ADAMTS3: variants seen among roughly 807,000 people sequenced by gnomAD.
ADAMTS3 encodes the protein ADAM metallopeptidase with thrombospondin type 1 motif 3, also known as A disintegrin and metalloproteinase with thrombospondin motifs 3.
Under a neutral mutation model 129.0 loss-of-function variants are expected in ADAMTS3, and 73 were observed. The observed-to-expected ratio is 0.57, with a 90% CI of 0.47 to 0.69. The LOEUF is 0.69. ADAMTS3 is among the 30% of genes least tolerant of loss of function. The pLI is 0.00. For synonymous variants in ADAMTS3, 477 were observed against 510.8 expected (o/e 0.93, Z 0.89); for missense variants, 1,457 against 1,514.5 (o/e 0.96, Z 0.63).
At chr4:72,314,028 T>A (rs1393124308) in intron 11 of ADAMTS3, among the ~76,000 whole-genome samples, 1 of 152,078 alleles carries the variant, frequency 6.6e-6, no homozygotes, top group African/African-American at 2.4e-5. Context: ...AGTAGAAAAT[T>A]AAAATGGAAA....
Position 72,400,792 on chromosome 4 carries a change from T to C in ADAMTS3, c.661+14023A>G, listed in dbSNP as rs114217624. Among the ~76,000 whole-genome samples the C allele has an allele frequency of 1.0e-3, 139 of 133,080 alleles. 1 individual carries two copies. The East Asian group carries it at 0.012, about 11-fold the overall frequency. 87.3% of individuals were successfully genotyped at this position (133,080 alleles called of 152,430 possible). Reference sequence around the variant, plus strand: ...ATATACGTGTGCATAGATATACACATGGTGGGTATATGTATGTGTGTATAG... The same window carrying C: ...ATATACGTGTGCATAGATATACACACGGTGGGTATATGTATGTGTGTATAG... On this transcript the variant is annotated intron_variant, in intron 4 of 21. Coordinates refer to ENST00000286657, the MANE Select transcript of ADAMTS3 (RefSeq NM_014243.3).
chr4:72,347,317 T>C (rs1720314660), intron 4 of ADAMTS3, among the ~76,000 whole-genome samples: 1 of 151,452 alleles, frequency 6.6e-6, no homozygotes. Flanking sequence ...GACAGTTTGA[T>C]GTAAGTTCCC....
chr4:72,512,419 G>C (rs1720341128), intron 3 of ADAMTS3, among the ~76,000 whole-genome samples: 1 of 152,172 alleles, frequency 6.6e-6, no homozygotes, highest in Non-Finnish European at 1.5e-5. Context: ...TTGAACCCAG[G>C]AGGCAGAGGT....
intron 3 of ADAMTS3, among the ~76,000 whole-genome samples, chr4:72,493,245 T>C (rs188464625): frequency 3.1e-4 from 47 of 152,130 alleles, no homozygotes; most frequent in African/African-American, 1.1e-3. Context: ...GGTGAGGACA[T>C]ACTGTTACCA....
intron 3 of ADAMTS3, among the ~76,000 whole-genome samples, chr4:72,427,244 C>T (rs1350081024): frequency 1.3e-5 from 2 of 152,076 alleles, no homozygotes; most frequent in African/African-American, 4.8e-5. Flanking sequence ...TTAATCATTC[C>T]CAGGCTACAC....
intron 3 of ADAMTS3, among the ~76,000 whole-genome samples, chr4:72,465,066 A>G (rs1718883256): frequency 6.6e-6 from 1 of 152,016 alleles, no homozygotes. Flanking sequence ...GAGAGAGAAT[A>G]TTAATAAGTA....
intron 3 of ADAMTS3, among the ~76,000 whole-genome samples, chr4:72,511,122 C>A (rs747277447): frequency 7.9e-5 from 12 of 151,958 alleles, no homozygotes; most frequent in Non-Finnish European, 1.8e-4. Flanking sequence ...ATGCAAAAAT[C>A]AAATCAAAAT....
intron 4 of ADAMTS3, among the ~76,000 whole-genome samples, chr4:72,402,431 TAG>T (rs1431774544): frequency 1.3e-5 from 2 of 152,190 alleles, no homozygotes; most frequent in Non-Finnish European, 2.9e-5. Flanking sequence ...AAGAATACCA[TAG>T]GTGTTCATCT....
At position 72,538,990 on chromosome 4, in the gene ADAMTS3, C is replaced by T. The variant is rs576173335; in HGVS notation, c.504+9488G>A. 3.9e-5 allele frequency among the ~76,000 whole-genome samples: 6 copies of T among 152,126 alleles called. No homozygotes were observed. In the South Asian group the frequency reaches 1.2e-3, roughly 32 times the overall value. ...CCAAAGCATAAAGCTGGATCCTTACCTAACACCATATACAAAAATTAATAC... is the reference window on the plus strand; with the variant it reads ...CCAAAGCATAAAGCTGGATCCTTACTTAACACCATATACAAAAATTAATAC... On this transcript the variant is annotated intron_variant, in intron 3 of 21. Transcript: ENST00000286657.
At chr4:72,432,042 ACCAGATGTT>A (rs1722713019) in intron 3 of ADAMTS3, among the ~76,000 whole-genome samples, 1 of 151,940 alleles carries the variant, frequency 6.6e-6, no homozygotes, top group South Asian at 2.1e-4. Flanking sequence ...ACTATAATCC[ACCAGATGTT>A]CCAGTCAGAA....
intron 15 of ADAMTS3, among the ~76,000 whole-genome samples, 198 bp from the exon 16 acceptor site, chr4:72,306,265 T>G (rs1041033562): frequency 1.3e-5 from 2 of 152,052 alleles, no homozygotes; most frequent in East Asian, 3.8e-4. Context: ...GCAACTTTTT[T>G]TTTTATTAAA....
rs574290872 is a variant in ADAMTS3, at chr4:72,298,270, T to C, written c.2590+7A>G. On this transcript the variant is annotated splice_region_variant and intron_variant, in intron 18 of 21. Coordinates refer to ENST00000286657, the MANE Select transcript of ADAMTS3 (RefSeq NM_014243.3). ...ATTTTAATATAATAAATGTGTTCAATGGTTACCTCCACCACAGGGTTTGGA... is the reference window on the plus strand; with the variant it reads ...ATTTTAATATAATAAATGTGTTCAACGGTTACCTCCACCACAGGGTTTGGA... 8.1e-6 allele frequency: 13 copies of C among 1,610,668 alleles called. No homozygotes were observed. The highest frequency in any genetic ancestry group is 4.0e-5 in the African/African-American group (3 of 74,872).
intron 3 of ADAMTS3, among the ~76,000 whole-genome samples, chr4:72,449,806 C>T (rs1306542269): frequency 1.3e-5 from 2 of 151,818 alleles, no homozygotes; most frequent in African/African-American, 4.8e-5. Flanking sequence ...CTTTCTTACT[C>T]GTCCTCTCTG....
At chr4:72,426,656 G>T (rs1722581429) in intron 3 of ADAMTS3, among the ~76,000 whole-genome samples, 1 of 152,094 alleles carries the variant, frequency 6.6e-6, no homozygotes, top group East Asian at 1.9e-4. Flanking sequence ...AGAGACCAAG[G>T]ATGGTGGATC....
intron 3 of ADAMTS3, among the ~76,000 whole-genome samples, chr4:72,515,909 T>G (rs1380967792): frequency 6.6e-6 from 1 of 152,204 alleles, no homozygotes; most frequent in South Asian, 2.1e-4. Flanking sequence ...GAAGTCCTTG[T>G]GCATGCCTAT....
chr4:72,398,091 C>A (rs1379548609), intron 4 of ADAMTS3, among the ~76,000 whole-genome samples: 1 of 152,018 alleles, frequency 6.6e-6, no homozygotes, highest in Non-Finnish European at 1.5e-5. Flanking sequence ...ATGAAGAGGA[C>A]CAGGAAAATA....
chr4:72,345,704 T>A (rs1720261884), intron 4 of ADAMTS3, among the ~76,000 whole-genome samples: 1 of 152,178 alleles, frequency 6.6e-6, no homozygotes, highest in South Asian at 2.1e-4. Context: ...AAGTTCTAAT[T>A]CTAACATCCG....
rs570178028 is a variant in ADAMTS3, at chr4:72,493,780, CTCTCTCAGTT to C, written c.504+54688_504+54697del. Reference sequence around the variant, plus strand: ...GTAAAGTAAGTCTAGTGGTGACAAACTCTCTCAGTTTTTGTTTATCTAGGAAAGTCACTAT... The same window carrying C: ...GTAAAGTAAGTCTAGTGGTGACAAACTTTGTTTATCTAGGAAAGTCACTAT... On this transcript the variant is annotated intron_variant, in intron 3 of 21. Transcript: ENST00000286657. Among the ~76,000 whole-genome samples, 56 of 152,122 alleles carry C rather than the reference CTCTCTCAGTT, an allele frequency of 3.7e-4. 2 individuals carry two copies. In the South Asian group the frequency reaches 0.011, roughly 31 times the overall value.
chr4:72,429,294 A>T (rs1316545254), intron 3 of ADAMTS3, among the ~76,000 whole-genome samples: 1 of 152,092 alleles, frequency 6.6e-6, no homozygotes, highest in Non-Finnish European at 1.5e-5. Context: ...TCTGCTAAAG[A>T]TATAGTAAGT....
Sources: gnomAD v4.1 joint callset for allele counts (sites outside exome capture counted in the v4.1 genomes callset) on GRCh38, gnomAD v4.1.1 for gene constraint, MANE v1.5 for transcripts, NCBI Gene and HGNC (gene_info 2026-07-23, HGNC 2026-07-21) for gene names.